The following ZNF880 variants were observed in gnomAD, a reference collection of about 807,000 sequenced individuals.
ZNF880 encodes the protein zinc finger protein 880.
ZNF880 carries 12 observed loss-of-function variants against 11.8 expected under a neutral mutation model. The ratio of observed to expected loss-of-function variants is 1.02; its 90% CI spans 0.65 to 1.65. ZNF880 has a LOEUF of 1.65. Ranked by LOEUF, ZNF880 falls within the 40% of genes most tolerant of loss-of-function variation. The pLI, the probability that ZNF880 is intolerant of heterozygous loss-of-function variation, is 0.00. For missense variants in ZNF880, 601 were observed against 673.9 expected, an observed-to-expected ratio of 0.89 and a Z score of 1.20; for synonymous variants, 210 against 232.4, an observed-to-expected ratio of 0.90 and a Z score of 0.88.
In ZNF880 at chr19:52,384,208, A is replaced by G. The variant is rs1169795007; in HGVS notation, c.628A>G (p.Asn210Asp). The change falls in exon 4 of 4, where the codon AAC becomes GAC. Residue 210 changes from asparagine (N) to aspartate (D), a missense_variant. Physicochemically the swap from Asn to Asp is conservative, Grantham distance 23. Transcript: ENST00000422689. Reference sequence around the variant, plus strand: ...CAATCAAGTAATCCACACTGCAGATAACCCTTACAAATGTAATGAATGTGA... The same window carrying G: ...CAATCAAGTAATCCACACTGCAGATGACCCTTACAAATGTAATGAATGTGA... ...ANNQVIHTAD[N>D]PYKCNECDKV... The G allele has an allele frequency of 6.2e-7, 1 of 1,612,054 alleles. No individual in the cohort carries two copies. Among genetic ancestry groups the G allele is most frequent in the Non-Finnish European group, 8.5e-7 (1 of 1,178,816 alleles).
At chr19:52,374,794 T>C (rs1351013290) in intron 3 of ZNF880, 12 of 510,412 alleles carry the variant, frequency 2.4e-5, no homozygotes, top group Non-Finnish European at 2.1e-5. Context: ...AGTGTAGTGG[T>C]GGTGTGATCG....
intron 1 of ZNF880, among the ~76,000 whole-genome samples, chr19:52,372,751 A>G (rs992314770): frequency 6.6e-6 from 1 of 150,568 alleles, no homozygotes. Context: ...AATACAAAAA[A>G]AAAAAAAAAT....
the ZNF880 span, chr19:52,391,702 AT>A: frequency 1.3e-5 from 2 of 152,232 alleles, no homozygotes; most frequent in Non-Finnish European, 2.9e-5. Context: ...AAAACTGTCT[AT>A]AAGGCATGTG....
At chr19:52,393,386 T>C in the ZNF880 span, among the ~76,000 whole-genome samples, 1 of 150,388 alleles carries the variant, frequency 6.6e-6, no homozygotes, top group Non-Finnish European at 1.5e-5. Flanking sequence ...ATCCTGTTAG[T>C]TTTGAATGGA....
chr19:52,375,757 C>T (rs1986534634), intron 3 of ZNF880, among the ~76,000 whole-genome samples: 1 of 152,064 alleles, frequency 6.6e-6, no homozygotes, highest in Non-Finnish European at 1.5e-5. Context: ...GGTTTTCCCT[C>T]AGGCTTTGGG....
At chr19:52,380,865 G>C (rs1331675272) in intron 3 of ZNF880, among the ~76,000 whole-genome samples, 1 of 151,590 alleles carries the variant, frequency 6.6e-6, no homozygotes, top group African/African-American at 2.4e-5. Flanking sequence ...TTTTTGTGGA[G>C]ACAGGGTCTT....
chr19:52,393,826 GCC>G, the ZNF880 span, among the ~76,000 whole-genome samples: 6 of 121,970 alleles, frequency 4.9e-5, no homozygotes, highest in Non-Finnish European at 8.4e-5. Flanking sequence ...GTATTTCTTT[GCC>G]CCCCCCCTTT....
Position 52,384,974 on chromosome 19 carries a change from G to C in ZNF880, c.1394G>C (p.Arg465Thr). 2.6e-6 allele frequency: 4 copies of C among 1,568,108 alleles called. No individual in the cohort carries two copies. In the South Asian group the frequency reaches 3.5e-5, roughly 14 times the overall value. The change falls in exon 4 of 4, where the codon AGA becomes ACA. Residue 465 changes from arginine (R) to threonine (T), a missense_variant. By Grantham distance (71) the Arg-to-Thr change is moderately conservative. Around this residue, in one of 3 missense-constraint regions of ZNF880, gnomAD observed 177 missense variants for 214.5 expected, o/e 0.83. Transcript: ENST00000422689. ...TTTCATACTGGAGAGAAACCTTACA[G>C]ATGTGATGAATGTGGCAAGGACTTC... ...QRFHTGEKPY[R>T]CDECGKDFTR...
chr19:52,381,559 C>T (rs1986705326), intron 3 of ZNF880, among the ~76,000 whole-genome samples: 1 of 152,072 alleles, frequency 6.6e-6, no homozygotes, highest in African/African-American at 2.4e-5. Flanking sequence ...GCCAACATTA[C>T]ATGAAAAGGA....
downstream of ZNF880, chr19:52,390,236 T>C (rs1599795105): frequency 3.8e-6 from 1 of 266,372 alleles, no homozygotes; most frequent in Non-Finnish European, 7.9e-6. Flanking sequence ...CCGCACCTTT[T>C]TTAAAGTCCT....
Position 52,373,754 on chromosome 19 carries a change from A to T in ZNF880, c.139+517A>T, listed in dbSNP as rs1057079371. On this transcript the variant is annotated intron_variant, in intron 2 of 3. Transcript: ENST00000422689. ...AGTGGCAGGATCTCAGCTCAATGCA[A>T]CCTCCGCCTCCCGTTTTCAAGCAAT... 2.8e-5 allele frequency among the ~76,000 whole-genome samples: 4 copies of T among 144,584 alleles called. 1 individual carries two copies. The highest frequency in any genetic ancestry group is 4.0e-4 in the East Asian group (2 of 5,018). 94.9% of individuals were successfully genotyped at this position (144,584 alleles called of 152,430 possible). A position where few individuals can be genotyped will look rare whatever the true frequency, so the allele number is the denominator to read the frequency against.
upstream of ZNF880, chr19:52,366,986 A>G (rs1004242947): frequency 2.0e-6 from 1 of 488,676 alleles, no homozygotes; most frequent in Non-Finnish European, 3.5e-6. Context: ...AGAATAGAGC[A>G]TTTAATGAAA....
At chr19:52,394,528 C>G in the ZNF880 span, among the ~76,000 whole-genome samples, 1 of 152,192 alleles carries the variant, frequency 6.6e-6, no homozygotes, top group East Asian at 1.9e-4. Context: ...AGCCACCATG[C>G]CTGGCTGATG....
chr19:52,392,690 T>C, the ZNF880 span: 5 of 227,370 alleles, frequency 2.2e-5, no homozygotes, highest in Admixed American at 4.3e-5. Flanking sequence ...GTATTATCTC[T>C]ATGTGGGAGC....
the ZNF880 span, among the ~76,000 whole-genome samples, chr19:52,393,994 A>G: frequency 8.4e-3 from 1,245 of 148,440 alleles, 13 homozygotes; most frequent in Non-Finnish European, 0.012. Flanking sequence ...CCGCCACCAC[A>G]CCTGGCTAAT....
Position 52,384,683 on chromosome 19 carries a change from C to G in ZNF880, c.1103C>G (p.Thr368Ser), listed in dbSNP as rs753623852. Residue 368 changes from threonine to serine, a missense_variant, in exon 4 of 4, where the codon ACC becomes AGC. Transcript: ENST00000422689. ...GTCTTCAATCGAAATGCACACCTTA[C>G]CAGACATCAAAGAATCCATACTGGA... Reference protein sequence around the residue: ...GKVFNRNAHLTRHQRIHTGEK... With the variant: ...GKVFNRNAHLSRHQRIHTGEK... 6.2e-7 allele frequency: 1 copy of G among 1,611,590 alleles called. No individual in the cohort carries two copies. Among genetic ancestry groups the G allele is most frequent in the Non-Finnish European group, 8.5e-7 (1 of 1,178,846 alleles).
rs1986847435 is a variant in ZNF880 at position 52,385,182 on chromosome 19, C to CAAATGCAATGAATGTGGCAAGGT, written c.1602_1603insAAATGCAATGAATGTGGCAAGGT (p.Leu535LysfsTer9). The CAAATGCAATGAATGTGGCAAGGT allele has an allele frequency of 6.4e-7, 1 of 1,552,790 alleles. No individual in the cohort carries two copies. Among genetic ancestry groups the CAAATGCAATGAATGTGGCAAGGT allele is most frequent in the Non-Finnish European group, 8.7e-7 (1 of 1,147,938 alleles). On this transcript the variant is annotated frameshift_variant, in exon 4 of 4. Transcript: ENST00000422689. LOFTEE classifies it low-confidence loss of function (END_TRUNC). Reference sequence around the variant, plus strand: ...GCAAGGTCTTCAGCCACAAGTTATACCTAAAAAAACATGAGAGAATTCATA... The same window carrying CAAATGCAATGAATGTGGCAAGGT: ...GCAAGGTCTTCAGCCACAAGTTATACAAATGCAATGAATGTGGCAAGGTCTAAAAAAACATGAGAGAATTCATA...
downstream of ZNF880, among the ~76,000 whole-genome samples, chr19:52,388,545 A>C (rs1412517185): frequency 6.6e-6 from 1 of 151,430 alleles, no homozygotes; most frequent in Non-Finnish European, 1.5e-5. Context: ...CAAAGTACTG[A>C]GATTACAGGT....
At chr19:52,390,301 C>A, downstream of ZNF880, 1 of 382,656 alleles carries the variant, frequency 2.6e-6, no homozygotes, top group Non-Finnish European at 5.3e-6. Context: ...GCTCCCTCGT[C>A]AGCTCCTGGA....
Sources: allele counts gnomAD v4.1 joint callset (sites outside exome capture counted in the v4.1 genomes callset), GRCh38; gene constraint gnomAD v4.1.1; regional missense constraint gnomAD v4.1.1; transcripts MANE v1.5; gene names NCBI Gene and HGNC (gene_info 2026-07-23, HGNC 2026-07-21).